Variants in FAM222B observed in about 807,000 individuals in gnomAD.
The protein encoded by FAM222B is family with sequence similarity 222 member B.
In FAM222B, 12 loss-of-function variants were observed where a neutral mutation model predicts 38.0. That is an observed-to-expected ratio of 0.32 (90% CI 0.20 to 0.51). The LOEUF (loss-of-function observed/expected upper bound fraction) is 0.51. Ranked by LOEUF, FAM222B falls within the 20% of genes least tolerant of loss-of-function variation. FAM222B has a pLI of 0.97. For synonymous variants in FAM222B, 329 were observed against 317.2 expected (o/e 1.04, Z -0.40); for missense variants, 716 against 754.2 (o/e 0.95, Z 0.59).
intron 1 of FAM222B, among the ~76,000 whole-genome samples, chr17:28,836,700 T>C (rs1392627561): frequency 2.0e-5 from 3 of 152,164 alleles, no homozygotes; most frequent in South Asian, 2.1e-4. Flanking sequence ...TTCTATACAA[T>C]GTCTGTAATC....
intron 1 of FAM222B, among the ~76,000 whole-genome samples, chr17:28,788,076 G>A (rs901126123): frequency 2.0e-5 from 3 of 152,008 alleles, no homozygotes; most frequent in Admixed American, 6.6e-5. Flanking sequence ...CGCCCGCCTC[G>A]GCCTCCCAAA....
chr17:28,759,684 G>A lies in FAM222B; in HGVS notation c.275C>T (p.Pro92Leu), dbSNP rs765487108. 6.2e-6 allele frequency: 10 copies of A among 1,613,684 alleles called. No individual in the cohort carries two copies. The highest frequency in any genetic ancestry group is 1.3e-5 in the African/African-American group (1 of 75,046). The change falls in exon 3 of 3, where the codon CCG becomes CTG. Residue 92 changes from proline to leucine, a missense_variant. Transcript: ENST00000581407. The surrounding 1 kb of genome is among the most constrained non-coding windows in gnomAD (Gnocchi z 4.8). ...DTSAQRYSPY[P>L]TQAATKAGLL... is the part of the protein sequence containing the mutation. ...GCCTGCCTTGGTGGCAGCCTGTGTCGGGTAGGGGCTGTAGCGCTGGGCTGA... is the reference window on the plus strand; with the variant it reads ...GCCTGCCTTGGTGGCAGCCTGTGTCAGGTAGGGGCTGTAGCGCTGGGCTGA...
rs1257863645 is a variant in FAM222B, at chr17:28,816,454, ATTAGT to A, written c.-41+26223_-41+26227del. 7.2e-5 allele frequency among the ~76,000 whole-genome samples: 11 copies of A among 152,252 alleles called. No individual in the cohort carries two copies. The East Asian group carries it at 1.5e-3, about 21-fold the overall frequency. On this transcript the variant is annotated intron_variant, in intron 1 of 2. Transcript: ENST00000581407. ...AAGAGATCAATAGGCTAGACTAAAA[ATTAGT>A]TTAGGTAATATCCCTCTAGACTGAT...
At chr17:28,850,856 C>T (rs1256603789) in intron 1 of FAM222B, among the ~76,000 whole-genome samples, 1 of 152,134 alleles carries the variant, frequency 6.6e-6, no homozygotes, top group Non-Finnish European at 1.5e-5. Context: ...CATGGCAGCT[C>T]ACACCTGTAA....
At chr17:28,791,524 T>TTATTC (rs2036683470) in intron 1 of FAM222B, among the ~76,000 whole-genome samples, 1 of 152,004 alleles carries the variant, frequency 6.6e-6, no homozygotes, top group African/African-American at 2.4e-5. Context: ...ATGGACTCCC[T>TTATTC]TATTCTAAAG....
At chr17:28,839,522 C>A (rs1006767959) in intron 1 of FAM222B, among the ~76,000 whole-genome samples, 5 of 152,022 alleles carry the variant, frequency 3.3e-5, no homozygotes, top group Non-Finnish European at 7.4e-5. Flanking sequence ...GGCATTTATG[C>A]GCTTATTTGA....
At chr17:28,827,977 T>C (rs550798398) in intron 1 of FAM222B, among the ~76,000 whole-genome samples, 134 of 151,946 alleles carry the variant, frequency 8.8e-4, no homozygotes, top group African/African-American at 3.2e-3. Flanking sequence ...ATCCAAGAAT[T>C]TGGCAATATG....
At chr17:28,780,609 C>T (rs1167864521) in intron 1 of FAM222B, among the ~76,000 whole-genome samples, 6 of 151,796 alleles carry the variant, frequency 4.0e-5, no homozygotes, top group Admixed American at 2.6e-4. Context: ...AGGATGGGTG[C>T]GGTGGCTCAT....
At chr17:28,848,164 G>A (rs1023335280) in intron 1 of FAM222B, among the ~76,000 whole-genome samples, 1 of 152,088 alleles carries the variant, frequency 6.6e-6, no homozygotes, top group African/African-American at 2.4e-5. Flanking sequence ...GTATCAACAT[G>A]ACTGCAGCAG....
chr17:28,783,534 A>C (rs1312975122), intron 1 of FAM222B, among the ~76,000 whole-genome samples: 4 of 145,446 alleles, frequency 2.8e-5, no homozygotes, highest in Non-Finnish European at 4.5e-5. Context: ...TTTTTTTTAA[A>C]CAAAGTCTCG....
intron 1 of FAM222B, among the ~76,000 whole-genome samples, chr17:28,795,513 G>A (rs777412606): frequency 9.2e-5 from 14 of 152,270 alleles, no homozygotes; most frequent in East Asian, 7.7e-4. Flanking sequence ...CTGCAGCCTC[G>A]ACTTCCCGGG....
chr17:28,852,083 C>T (rs537767672), intron 1 of FAM222B, among the ~76,000 whole-genome samples: 63 of 151,640 alleles, frequency 4.2e-4, no homozygotes, highest in African/African-American at 1.5e-3. Context: ...AAAAAAGCAA[C>T]GTGGCCTGGC....
intron 1 of FAM222B, among the ~76,000 whole-genome samples, chr17:28,818,087 G>GT (rs1307569566): frequency 6.6e-6 from 1 of 152,136 alleles, no homozygotes; most frequent in Non-Finnish European, 1.5e-5. Context: ...AAGGTGGGGT[G>GT]TAGGGGGTGG....
upstream of FAM222B, among the ~76,000 whole-genome samples, chr17:28,845,320 G>A (rs902141305): frequency 6.6e-6 from 1 of 151,504 alleles, no homozygotes; most frequent in African/African-American, 2.4e-5. Flanking sequence ...AGAATGGCGT[G>A]AAGCCCGGAG....
At chr17:28,785,204 A>C (rs2036350343) in intron 1 of FAM222B, among the ~76,000 whole-genome samples, 1 of 152,138 alleles carries the variant, frequency 6.6e-6, no homozygotes, top group African/African-American at 2.4e-5. Flanking sequence ...TCTCTGTCTT[A>C]GTTCCTAGAC....
Position 28,786,769 on chromosome 17 carries a change from T to C in FAM222B, c.-40-20062A>G, listed in dbSNP as rs188994080. ...GTATCCATTTGGTCTGACAACTTCTTAGAACTAGTTCTCTGTGCACAACGC... is the reference window on the plus strand; with the variant it reads ...GTATCCATTTGGTCTGACAACTTCTCAGAACTAGTTCTCTGTGCACAACGC... On this transcript the variant is annotated intron_variant, in intron 1 of 2. Coordinates refer to ENST00000581407, the MANE Select transcript of FAM222B (RefSeq NM_001077498.3). 3.8e-4 allele frequency among the ~76,000 whole-genome samples: 58 copies of C among 152,288 alleles called. No individual in the cohort carries two copies. The East Asian group carries it at 0.011, about 29-fold the overall frequency.
At chr17:28,842,244 T>C (rs989022865) in intron 1 of FAM222B, among the ~76,000 whole-genome samples, 1 of 152,012 alleles carries the variant, frequency 6.6e-6, no homozygotes, top group African/African-American at 2.4e-5. Flanking sequence ...CCTCCCGGCT[T>C]TCAAAAGAGG....
At chr17:28,821,954 G>A (rs534486439) in intron 1 of FAM222B, among the ~76,000 whole-genome samples, 11 of 152,024 alleles carry the variant, frequency 7.2e-5, no homozygotes, top group Admixed American at 3.9e-4. Context: ...GACAGAGCAA[G>A]AGTCCGTCTC....
At chr17:28,803,737 T>C (rs1455751487) in intron 1 of FAM222B, among the ~76,000 whole-genome samples, 1 of 151,996 alleles carries the variant, frequency 6.6e-6, no homozygotes, top group Non-Finnish European at 1.5e-5. Context: ...CCCAGCACTT[T>C]GGGAGGCCGA....
Sources: allele counts gnomAD v4.1 joint callset (sites outside exome capture counted in the v4.1 genomes callset), GRCh38; gene constraint gnomAD v4.1.1; non-coding constraint Gnocchi (gnomAD v3.1); transcripts MANE v1.5; gene names NCBI Gene and HGNC (gene_info 2026-07-23, HGNC 2026-07-21).